BEGAIN: variants seen among roughly 807,000 people sequenced by gnomAD.
BEGAIN encodes brain-enriched guanylate kinase-associated protein.
In BEGAIN, 19 loss-of-function variants were observed where a neutral mutation model predicts 35.8. The observed-to-expected ratio is 0.53, with a 90% CI of 0.37 to 0.78. BEGAIN has a LOEUF of 0.78. BEGAIN is among the 30% of genes least tolerant of loss of function. The pLI is 0.00. For synonymous variants in BEGAIN, 462 were observed against 388.6 expected, an observed-to-expected ratio of 1.19 and a Z score of -2.22; for missense variants, 795 against 853.6, an observed-to-expected ratio of 0.93 and a Z score of 0.85.
chr14:100,540,831 C>T (rs995894700), intron 5 of BEGAIN, among the ~76,000 whole-genome samples: 6 of 152,238 alleles, frequency 3.9e-5, no homozygotes, highest in African/African-American at 1.4e-4. Flanking sequence ...TGCCCTTGAG[C>T]ACTGCCAAGA....
At position 100,568,930 on chromosome 14, in the gene BEGAIN, C is replaced by A; in HGVS notation, c.43-991G>T. On this transcript the variant is annotated intron_variant, in intron 1 of 6. Transcript: ENST00000554140. This position sits in a 1 kb window ranked among gnomAD's most constrained non-coding sequence, Gnocchi z 7.5. ...AGACTGATGACTGCCCATCCCGGCC[C>A]CTCGCGCCGGGCGCCGCCGCCGCGT... 1 of 983,876 alleles carries A rather than the reference C, an allele frequency of 1.0e-6. No individual in the cohort carries two copies. The highest frequency in any genetic ancestry group is 1.7e-5 in the African/African-American group (1 of 57,150). 60.9% of individuals were successfully genotyped at this position (983,876 alleles called of 1,614,324 possible).
intron 1 of BEGAIN, 71 bp downstream of exon 1, chr14:100,587,178 G>A (rs976267187): frequency 1.9e-4 from 33 of 173,832 alleles, no homozygotes; most frequent in Middle Eastern, 2.6e-3. Flanking sequence ...GACCGCCCCA[G>A]GCGTGGGTGG....
intron 1 of BEGAIN, among the ~76,000 whole-genome samples, chr14:100,579,073 C>T (rs2035264309): frequency 6.6e-6 from 1 of 152,142 alleles, no homozygotes; most frequent in South Asian, 2.1e-4. Flanking sequence ...GTTGGTCAGG[C>T]TAGTCTCGAA....
chr14:100,582,216 C>G (rs2035333417), intron 1 of BEGAIN, among the ~76,000 whole-genome samples: 1 of 152,206 alleles, frequency 6.6e-6, no homozygotes, highest in South Asian at 2.1e-4. Context: ...GCGATCTCGG[C>G]TCACTGCAAC....
intron 2 of BEGAIN, among the ~76,000 whole-genome samples, chr14:100,554,270 G>C (rs1223460786): frequency 6.6e-6 from 1 of 152,202 alleles, no homozygotes; most frequent in Admixed American, 6.5e-5. Flanking sequence ...CAGTGGGGTG[G>C]GGCTGGGCTG....
Position 100,538,807 on chromosome 14 carries a change from G to C in BEGAIN, c.1001C>G (p.Ala334Gly). 6.2e-7 allele frequency: 1 copy of C among 1,601,902 alleles called. No individual in the cohort carries two copies. The highest frequency in any genetic ancestry group is 1.3e-5 in the African/African-American group (1 of 74,962). The change falls in exon 7 of 7, where the codon GCC (alanine) becomes GGC (glycine). Residue 334 changes from alanine to glycine, a missense_variant. Physicochemically the swap from Ala to Gly is moderately conservative, Grantham distance 60. Transcript: ENST00000554140. ...CTGCTGCGACGCGGTCAGCGTGCTG[G>C]CCTGCGCGTGCTCCTTCTCCTCCGA... is the stretch of plus-strand genomic sequence containing the variant. ...ATSEEKEHAQ[A>G]STLTASQQAI...
chr14:100,540,081 C>T (rs546315206), intron 6 of BEGAIN: 3 of 174,708 alleles, frequency 1.7e-5, no homozygotes, highest in Non-Finnish European at 3.7e-5. Flanking sequence ...CTGCCTGCCA[C>T]GTGGCCTCAG....
At chr14:100,554,427 A>G (rs2033506296) in intron 2 of BEGAIN, among the ~76,000 whole-genome samples, 1 of 152,034 alleles carries the variant, frequency 6.6e-6, no homozygotes, top group Non-Finnish European at 1.5e-5. Flanking sequence ...CCACAGTGTC[A>G]TGCTCCGGCA....
Position 100,538,033 on chromosome 14 carries a change from C to A in BEGAIN, c.1775G>T (p.Gly592Val), listed in dbSNP as rs892507187. Residue 592 changes from glycine (G) to valine (V), a missense_variant, in exon 7 of 7, where the codon GGC (glycine) becomes GTC (valine). Gly to Val is a moderately radical substitution (Grantham distance 109). Coordinates refer to ENST00000554140, the MANE Select transcript of BEGAIN (RefSeq NM_001385089.1). ...SPQQAFPRTGGSGLSRKDSLT... is the reference protein window; with the variant it reads ...SPQQAFPRTGVSGLSRKDSLT... ...GCTGTCCTTGCGGCTCAGCCCCGAG[C>A]CACCAGTCCGCGGAAAGGCCTGCTG... 5 of 1,608,376 alleles carry A rather than the reference C, an allele frequency of 3.1e-6. No individual in the cohort carries two copies. The African/African-American group carries it at 6.7e-5, about 22-fold the overall frequency.
At chr14:100,565,880 T>C (rs6575793) in intron 2 of BEGAIN, among the ~76,000 whole-genome samples, 82,865 of 152,166 alleles carry the variant, frequency 0.54, 24,918 homozygotes, top group African/African-American at 0.81. Context: ...TGTCAGTGAC[T>C]GGGTCTGTGG....
Position 100,546,776 on chromosome 14 carries a change from GCGCGCACA to G in BEGAIN, c.72-122_72-115del, listed in dbSNP as rs1201622477. The G allele has an allele frequency of 1.0e-3, 688 of 677,316 alleles. 3 individuals are homozygous for G. The Admixed American group carries it at 0.01, about 10-fold the overall frequency. 42.0% of individuals were successfully genotyped at this position (677,316 alleles called of 1,614,324 possible). A position where few individuals can be genotyped will look rare whatever the true frequency, so the allele number is the denominator to read the frequency against. Reference sequence around the variant, plus strand: ...CACGCGAGTACCGGCGCGCGCGCGCGCGCGCACACACACACACACACACACACACACAC... The same window carrying G: ...CACGCGAGTACCGGCGCGCGCGCGCGCACACACACACACACACACACACAC... On this transcript the variant is annotated intron_variant, in intron 2 of 6. Coordinates refer to ENST00000554140, the MANE Select transcript of BEGAIN (RefSeq NM_001385089.1).
At chr14:100,574,518 GTTT>G (rs34762708) in intron 1 of BEGAIN, among the ~76,000 whole-genome samples, 3,622 of 137,126 alleles carry the variant, frequency 0.026, 161 homozygotes, top group African/African-American at 0.09. Context: ...CTGCACAAAG[GTTT>G]TTTTTTTTTT....
Position 100,563,936 on chromosome 14 carries a change from C to T in BEGAIN, c.71+3975G>A, listed in dbSNP as rs1372310325. 6.6e-6 allele frequency among the ~76,000 whole-genome samples: 1 copy of T among 152,194 alleles called. No individual in the cohort carries two copies. Among genetic ancestry groups the T allele is most frequent in the Non-Finnish European group, 1.5e-5 (1 of 68,044 alleles). ...CCCCCAAAACACAGGCTGAAGGAAT[C>T]CAGGTATGAGGTCCCAAAGCAGGCA... On this transcript the variant is annotated intron_variant, in intron 2 of 6. Transcript: ENST00000554140. The surrounding 1 kb of genome is among the most constrained non-coding windows in gnomAD (Gnocchi z 4.2).
chr14:100,585,659 T>C, intron 1 of BEGAIN, among the ~76,000 whole-genome samples: 1 of 151,862 alleles, frequency 6.6e-6, no homozygotes, highest in East Asian at 2.0e-4. Flanking sequence ...CCAGATTGCT[T>C]AGGGCTCATT....
rs1411779050 is a variant in BEGAIN at position 100,538,632 on chromosome 14, T to C, written c.1176A>G (p.Ser392=). The part of the protein sequence containing the change: ...EVAPGFGRTM[S]PYPAETFRFP... Reference sequence around the variant, plus strand: ...AGCGGAAGGTCTCGGCCGGGTACGGTGACATGGTCCGCCCGAAGCCTGGGG... The same window carrying C: ...AGCGGAAGGTCTCGGCCGGGTACGGCGACATGGTCCGCCCGAAGCCTGGGG... Residue 392 remains serine, a synonymous_variant, in exon 7 of 7, where the codon TCA becomes TCG. Coordinates refer to ENST00000554140, the MANE Select transcript of BEGAIN (RefSeq NM_001385089.1). The C allele has an allele frequency of 6.5e-7, 1 of 1,549,430 alleles. No homozygotes were observed. The highest frequency in any genetic ancestry group is 8.7e-7 in the Non-Finnish European group (1 of 1,146,258).
intron 2 of BEGAIN, among the ~76,000 whole-genome samples, chr14:100,553,789 T>A (rs1228089896): frequency 6.6e-6 from 1 of 152,222 alleles, no homozygotes; most frequent in Non-Finnish European, 1.5e-5. Context: ...GCTGGGATAC[T>A]GCTTCCCTTC....
At chr14:100,539,485 C>T (rs1403208565) in intron 6 of BEGAIN, among the ~76,000 whole-genome samples, 170 bp from the exon 7 acceptor site, 2 of 152,184 alleles carry the variant, frequency 1.3e-5, no homozygotes, top group African/African-American at 2.4e-5. Flanking sequence ...GGATCCAGGA[C>T]GCTGTACTGA....
intron 2 of BEGAIN, among the ~76,000 whole-genome samples, chr14:100,555,075 C>G (rs2033578089): frequency 6.6e-6 from 1 of 152,266 alleles, no homozygotes; most frequent in Non-Finnish European, 1.5e-5. Context: ...CGGACCTCGC[C>G]TGGTCTTTCC....
At position 100,568,240 on chromosome 14, in the gene BEGAIN, G is replaced by C; in HGVS notation, c.43-301C>G. On this transcript the variant is annotated intron_variant, in intron 1 of 6. Transcript: ENST00000554140. The surrounding 1 kb of genome is among the most constrained non-coding windows in gnomAD (Gnocchi z 7.5). ...GGATGGCCCGGCCAGGGGCGATCTC[G>C]GCCTCGCCCGGAGGAGGGGGACTCG... 3.2e-6 allele frequency: 2 copies of C among 630,862 alleles called. No individual in the cohort carries two copies. Among genetic ancestry groups the C allele is most frequent in the South Asian group, 4.5e-5 (2 of 44,402 alleles). The allele number at this position is 630,862 out of a possible 1,614,324, so 39.1% of individuals were successfully genotyped here.
Sources: allele counts gnomAD v4.1 joint callset (sites outside exome capture counted in the v4.1 genomes callset), GRCh38; gene constraint gnomAD v4.1.1; non-coding constraint Gnocchi (gnomAD v3.1); transcripts MANE v1.5; gene names NCBI Gene and HGNC (gene_info 2026-07-23, HGNC 2026-07-21).